The following ATL3 variants were observed in gnomAD, a reference collection of about 807,000 sequenced individuals.
ATL3 encodes the protein atlastin-3.
In ATL3, 49 loss-of-function variants were observed where a neutral mutation model predicts 69.5. The observed-to-expected ratio is 0.71, with a 90% confidence interval of 0.56 to 0.89. The LOEUF is 0.89. Among genes scored for constraint, ATL3 ranks in the 40% least tolerant of loss-of-function variants. The pLI is 0.00. For synonymous variants in ATL3, 214 were observed against 224.1 expected (o/e 0.95, Z 0.40); for missense variants, 606 against 645.7 (o/e 0.94, Z 0.67).
At position 63,651,957 on chromosome 11, in the gene ATL3, T is replaced by A; in HGVS notation, c.540A>T (p.Glu180Asp). Residue 180 changes from glutamate (E) to aspartate (D), a missense_variant, in exon 5 of 13, where the codon GAA becomes GAT. By Grantham distance (45) the Glu-to-Asp change is conservative. Transcript: ENST00000398868. ...ATACCTGCAGCTGTTGAAGATCATCTTCTTGAATGTTCTGAGATAAATTAT... is the reference window on the plus strand; with the variant it reads ...ATACCTGCAGCTGTTGAAGATCATCATCTTGAATGTTCTGAGATAAATTAT... ...QIYNLSQNIQ[E>D]DDLQQLQLFT... 6.2e-7 allele frequency: 1 copy of A among 1,601,576 alleles called. No homozygotes were observed. Among genetic ancestry groups the A allele is most frequent in the Non-Finnish European group, 8.5e-7 (1 of 1,176,290 alleles).
At chr11:63,644,282 A>G in intron 6 of ATL3, 21 bp from the exon 7 acceptor site, 1 of 1,393,838 alleles carries the variant, frequency 7.2e-7, no homozygotes, top group Non-Finnish European at 1.0e-6. Flanking sequence ...AAAGAGCGGA[A>G]CATATTTTAA....
Position 63,629,187 on chromosome 11 carries a change from A to G in ATL3, c.*132T>C, listed in dbSNP as rs934892152. On this transcript the variant is annotated 3_prime_UTR_variant, in exon 13 of 13. Coordinates refer to ENST00000398868, the MANE Select transcript of ATL3 (RefSeq NM_015459.5). ...CAGGAGAGGTCTGCTCATTTATTAC[A>G]GGGCCATGTTTTAGCTCTTCCTGGA... 1 of 671,042 alleles carries G rather than the reference A, an allele frequency of 1.5e-6. No individual in the cohort carries two copies. The highest frequency in any genetic ancestry group is 2.7e-5 in the East Asian group (1 of 37,188). 41.6% of individuals were successfully genotyped at this position (671,042 alleles called of 1,614,324 possible).
rs572465287 is a variant in ATL3, at chr11:63,660,137, A to T, written c.47-885T>A. Among the ~76,000 whole-genome samples the T allele has an allele frequency of 9.9e-5, 15 of 152,168 alleles. No individual in the cohort carries two copies. The South Asian group carries it at 3.1e-3, about 32-fold the overall frequency. ...AAAATAAAATGACAACACAGACTTC[A>T]TTAAAATTAAAAACTTTGTTCACTT... On this transcript the variant is annotated intron_variant, in intron 1 of 12. Coordinates refer to ENST00000398868, the MANE Select transcript of ATL3 (RefSeq NM_015459.5).
chr11:63,632,991 T>C (rs1182248792), intron 11 of ATL3, 35 bp downstream of exon 11: 1 of 1,591,008 alleles, frequency 6.3e-7, no homozygotes, highest in Non-Finnish European at 8.6e-7. Flanking sequence ...GCCCAGATTA[T>C]AGATATTTCA....
intron 3 of ATL3, among the ~76,000 whole-genome samples, chr11:63,657,055 C>G (rs1367743891): frequency 6.6e-6 from 1 of 151,596 alleles, no homozygotes; most frequent in Non-Finnish European, 1.5e-5. Flanking sequence ...ACTAAAAATA[C>G]AAAAATTATC....
chr11:63,670,926 G>A (rs1448335418), intron 1 of ATL3, among the ~76,000 whole-genome samples: 1 of 152,144 alleles, frequency 6.6e-6, no homozygotes, highest in Non-Finnish European at 1.5e-5. Context: ...GCCCAGGGCG[G>A]GGCTCGGCGG....
intron 6 of ATL3, 66 bp from the exon 7 acceptor site, chr11:63,644,327 A>AAGATGTATTGCAG: frequency 1.0e-6 from 1 of 956,770 alleles, no homozygotes; most frequent in Non-Finnish European, 1.7e-6. Flanking sequence ...AACAACTGCA[A>AAGATGTATTGCAG]TACATCTTTG....
In ATL3 at chr11:63,629,012, A is replaced by C; in HGVS notation, c.*307T>G. 3.1e-6 allele frequency: 1 copy of C among 319,504 alleles called. No individual in the cohort carries two copies. The highest frequency in any genetic ancestry group is 5.8e-6 in the Non-Finnish European group (1 of 172,786). 19.8% of individuals were successfully genotyped at this position (319,504 alleles called of 1,614,324 possible). ...ACTAAGTGGCACATAAAGAACTTAA[A>C]AGCTGCATTTCCATTTTTCCTCTAG... is the stretch of plus-strand genomic sequence containing the variant. On this transcript the variant is annotated 3_prime_UTR_variant, in exon 13 of 13. Transcript: ENST00000398868.
intron 10 of ATL3, among the ~76,000 whole-genome samples, chr11:63,635,143 G>A (rs1348166877): frequency 6.6e-6 from 1 of 152,082 alleles, no homozygotes; most frequent in Non-Finnish European, 1.5e-5. Flanking sequence ...GCCTTGGCAA[G>A]AGTGAGACTC....
intron 10 of ATL3, among the ~76,000 whole-genome samples, chr11:63,634,068 C>T (rs1474539475): frequency 7.3e-6 from 1 of 136,736 alleles, no homozygotes; most frequent in Non-Finnish European, 1.6e-5. Flanking sequence ...AGGAAAAAGC[C>T]GGGTGTGGTG....
At chr11:63,652,775 T>C (rs1428106855) in intron 3 of ATL3, among the ~76,000 whole-genome samples, 200 bp from the exon 4 acceptor site, 3 of 152,212 alleles carry the variant, frequency 2.0e-5, no homozygotes. Flanking sequence ...TATCCAGCGT[T>C]ATACAGAGCA....
At chr11:63,651,270 C>T (rs1940069418) in intron 5 of ATL3, among the ~76,000 whole-genome samples, 1 of 152,096 alleles carries the variant, frequency 6.6e-6, no homozygotes, top group Non-Finnish European at 1.5e-5. Flanking sequence ...GCCGGACCGA[C>T]ATGGTGAAAC....
Position 63,659,356 on chromosome 11 carries a change from A to G in ATL3, c.47-104T>C, listed in dbSNP as rs1940355958. 7 of 908,298 alleles carry G rather than the reference A, an allele frequency of 7.7e-6. No individual in the cohort carries two copies. In the Admixed American group the frequency reaches 1.4e-4, roughly 18 times the overall value. The allele number at this position is 908,298 out of a possible 1,614,324, so 56.3% of individuals were successfully genotyped here. ...TAAACAGGGGACAGGGCCAGGCTCA[A>G]TGGCTCATGCCTATAATCACAGCAC... is the stretch of plus-strand genomic sequence containing the variant. On this transcript the variant is annotated intron_variant, in intron 1 of 12. Coordinates refer to ENST00000398868, the MANE Select transcript of ATL3 (RefSeq NM_015459.5).
chr11:63,671,559 G>A, upstream of ATL3: 1 of 1,424,596 alleles, frequency 7.0e-7, no homozygotes, highest in South Asian at 1.4e-5. Flanking sequence ...GAGGCTAGGC[G>A]AGGCGGGGCG....
In ATL3 at chr11:63,646,576, A is replaced by G. The variant is rs1565276022; in HGVS notation, c.562-13T>C. 8.8e-6 allele frequency: 14 copies of G among 1,586,436 alleles called. No individual in the cohort carries two copies. Among genetic ancestry groups the G allele is most frequent in the Non-Finnish European group, 1.2e-5 (14 of 1,168,628 alleles). On this transcript the variant is annotated splice_polypyrimidine_tract_variant and intron_variant, in intron 5 of 12. Coordinates refer to ENST00000398868, the MANE Select transcript of ATL3 (RefSeq NM_015459.5). The stretch of plus-strand genomic sequence containing the variant: ...ATTCTGTGAAGAGCTTTAAAAAAGA[A>G]GCATTATGGTTTGTAAAGCAAAATT...
intron 1 of ATL3, among the ~76,000 whole-genome samples, chr11:63,661,631 C>A (rs900192309): frequency 6.6e-6 from 1 of 151,806 alleles, no homozygotes; most frequent in South Asian, 2.1e-4. Flanking sequence ...GGCTCACCTG[C>A]GCAATCCCAG....
intron 1 of ATL3, among the ~76,000 whole-genome samples, chr11:63,666,389 T>C (rs1466416134): frequency 6.6e-6 from 1 of 152,008 alleles, no homozygotes; most frequent in East Asian, 1.9e-4. Flanking sequence ...TTGCATTTAG[T>C]CTAAATGTAC....
At position 63,671,314 on chromosome 11, in the gene ATL3, C is replaced by T. The variant is rs1442772242; in HGVS notation, c.22G>A (p.Ala8Thr). Reference sequence around the variant, plus strand: ...CCTGCTCCTCTTGAGGCAGCTGCTGCCACTCGCTGAGGGGACAACATGGAG... The same window carrying T: ...CCTGCTCCTCTTGAGGCAGCTGCTGTCACTCGCTGAGGGGACAACATGGAG... MLSPQRV[A>T]AAASRGADDA... The change falls in exon 1 of 13, where the codon GCA (alanine) becomes ACA (threonine). Residue 8 changes from alanine (A) to threonine (T), a missense_variant. Ala to Thr is a moderately conservative substitution (Grantham distance 58). Coordinates refer to ENST00000398868, the MANE Select transcript of ATL3 (RefSeq NM_015459.5). 7.5e-5 allele frequency: 119 copies of T among 1,588,680 alleles called. No individual in the cohort carries two copies. The highest frequency in any genetic ancestry group is 9.3e-5 in the Non-Finnish European group (109 of 1,169,284).
At chr11:63,653,168 C>G (rs1940133956) in intron 3 of ATL3, among the ~76,000 whole-genome samples, 1 of 151,050 alleles carries the variant, frequency 6.6e-6, no homozygotes. Flanking sequence ...GTGTCTCTAC[C>G]AAAAATACAA....
Sources: gnomAD v4.1 joint callset for allele counts (sites outside exome capture counted in the v4.1 genomes callset) on GRCh38, gnomAD v4.1.1 for gene constraint, MANE v1.5 for transcripts, NCBI Gene and HGNC (gene_info 2026-07-23, HGNC 2026-07-21) for gene names.